OLFML2B: variants seen among roughly 807,000 people sequenced by gnomAD.
OLFML2B encodes the protein olfactomedin-like protein 2B.
A neutral mutation model predicts 74.9 loss-of-function variants in OLFML2B; 57 were observed. That is an observed-to-expected ratio of 0.76 (90% CI 0.61 to 0.95). The LOEUF (loss-of-function observed/expected upper bound fraction) is 0.95, where lower values mean the gene tolerates loss of function less well. OLFML2B is among the 40% of genes least tolerant of loss of function. The pLI, the probability that OLFML2B is intolerant of heterozygous loss-of-function variation, is 0.00. For synonymous variants in OLFML2B, 388 were observed against 405.8 expected (o/e 0.96, Z 0.53); for missense variants, 986 against 970.6 (o/e 1.02, Z -0.21).
At chr1:161,984,489 G>C (rs1338611316) in intron 7 of OLFML2B, among the ~76,000 whole-genome samples, 5 of 152,234 alleles carry the variant, frequency 3.3e-5, no homozygotes, top group Admixed American at 3.3e-4. Context: ...CCATCTGCCT[G>C]TTTCAAGGAT....
chr1:161,984,824 T>C lies in OLFML2B; in HGVS notation c.1631A>G (p.Asn544Ser), dbSNP rs775467717. The change falls in exon 7 of 8, where the codon AAC becomes AGC. Residue 544 changes from asparagine (N) to serine (S), a missense_variant. Transcript: ENST00000294794. The part of the protein sequence containing the change: ...YYGNTLVEFR[N>S]LENFKQGRWS... ...TGTACCTTGTTTGAAGTTCTCCAGG[T>C]TCCGGAACTCTACCAGGGTGTTGCC... is the stretch of plus-strand genomic sequence containing the variant. The C allele has an allele frequency of 1.2e-6, 2 of 1,613,742 alleles. No individual in the cohort carries two copies. The highest frequency in any genetic ancestry group is 1.7e-6 in the Non-Finnish European group (2 of 1,179,896).
chr1:162,021,455 T>G (rs1690702389), intron 1 of OLFML2B, among the ~76,000 whole-genome samples: 2 of 152,130 alleles, frequency 1.3e-5, no homozygotes, highest in Admixed American at 6.5e-5. Context: ...AGGCCCTACA[T>G]CCCCAAAGCC....
chr1:161,984,081 C>A lies in OLFML2B; in HGVS notation c.1847G>T (p.Gly616Val). 5 of 1,613,112 alleles carry A rather than the reference C, an allele frequency of 3.1e-6. No individual in the cohort carries two copies. Among genetic ancestry groups the A allele is most frequent in the Non-Finnish European group, 4.2e-6 (5 of 1,179,282 alleles). Residue 616 changes from glycine to valine, a missense_variant, in exon 8 of 8, where the codon GGC becomes GTC. Gly to Val is a moderately radical substitution (Grantham distance 109, BLOSUM62 -3). Coordinates refer to ENST00000294794, the MANE Select transcript of OLFML2B (RefSeq NM_015441.3). ...CACAGCAAAGTCCACGTCTGAGTGG[C>A]CCTGCCATCGCCAGGGGGTGGCCTC... Reference protein sequence around the residue: ...YEEATPWRWQGHSDVDFAVDE... With the variant: ...YEEATPWRWQVHSDVDFAVDE...
chr1:162,020,627 A>G (rs1690678009), intron 1 of OLFML2B, among the ~76,000 whole-genome samples: 1 of 151,944 alleles, frequency 6.6e-6, no homozygotes. Context: ...CCCAGGTTCA[A>G]GTGATTCTCC....
intron 6 of OLFML2B, among the ~76,000 whole-genome samples, chr1:161,991,393 G>C (rs565910432): frequency 6.6e-6 from 1 of 152,312 alleles, no homozygotes; most frequent in East Asian, 1.9e-4. Flanking sequence ...ATCTCCATGA[G>C]AGCTTTTGGG....
At chr1:161,998,443 G>T in intron 5 of OLFML2B, 94 bp from the exon 6 acceptor site, 5 of 1,409,882 alleles carry the variant, frequency 3.5e-6, no homozygotes, top group Non-Finnish European at 4.8e-6. Flanking sequence ...ATTAGAGGGT[G>T]CCTTTCCTTA....
intron 6 of OLFML2B, among the ~76,000 whole-genome samples, chr1:161,987,036 C>T (rs887516580): frequency 2.0e-5 from 3 of 152,260 alleles, no homozygotes; most frequent in East Asian, 3.9e-4. Context: ...CAAGGCTCTG[C>T]AGTGGCAGGG....
chr1:162,004,834 T>C (rs1056450671), intron 4 of OLFML2B, among the ~76,000 whole-genome samples: 2 of 152,134 alleles, frequency 1.3e-5, no homozygotes, highest in African/African-American at 4.8e-5. Flanking sequence ...TCAGAACGAC[T>C]CCCCGAAGCC....
intron 6 of OLFML2B, among the ~76,000 whole-genome samples, chr1:161,986,205 G>A (rs554922788): frequency 6.6e-6 from 1 of 152,328 alleles, no homozygotes; most frequent in South Asian, 2.1e-4. Context: ...GATGGGTGAT[G>A]AGAATAATTG....
intron 3 of OLFML2B, among the ~76,000 whole-genome samples, chr1:162,012,473 G>A (rs1376363931): frequency 1.3e-5 from 2 of 152,194 alleles, no homozygotes; most frequent in Non-Finnish European, 1.5e-5. Context: ...TCTGGGGAGC[G>A]GACCAGTTCT....
At chr1:162,007,677 A>G (rs1259637824) in intron 3 of OLFML2B, among the ~76,000 whole-genome samples, 2 of 151,974 alleles carry the variant, frequency 1.3e-5, no homozygotes, top group East Asian at 3.9e-4. Flanking sequence ...GTGGGATGCT[A>G]CTAACATCCT....
intron 6 of OLFML2B, among the ~76,000 whole-genome samples, chr1:161,996,914 T>C (rs1411070046): frequency 6.6e-6 from 1 of 152,166 alleles, no homozygotes; most frequent in African/African-American, 2.4e-5. Flanking sequence ...TCCCAACACT[T>C]TGGGAGGCCG....
intron 3 of OLFML2B, among the ~76,000 whole-genome samples, chr1:162,012,348 T>C (rs1232435052): frequency 6.6e-6 from 1 of 152,202 alleles, no homozygotes; most frequent in Non-Finnish European, 1.5e-5. Context: ...TGAAACGATA[T>C]ATCCCCCAGG....
chr1:161,988,350 T>A (rs189886469), intron 6 of OLFML2B, among the ~76,000 whole-genome samples: 1 of 152,064 alleles, frequency 6.6e-6, no homozygotes, highest in Admixed American at 6.5e-5. Flanking sequence ...CCTTCCTGGC[T>A]CTCCCCAGCT....
chr1:161,983,827 C>A lies in OLFML2B; in HGVS notation c.2101G>T (p.Asp701Tyr). ...ACGATCTGTGTGTTGGTGTGGGTGT[C>A]GAAAGCGTAGGAGATGTTGGCATTC... is the stretch of plus-strand genomic sequence containing the variant. ...QRNANISYAFDTHTNTQIVPR... is the reference protein window; with the variant it reads ...QRNANISYAFYTHTNTQIVPR... Residue 701 changes from aspartate (D) to tyrosine (Y), a missense_variant, in exon 8 of 8, where the codon GAC becomes TAC. Coordinates refer to ENST00000294794, the MANE Select transcript of OLFML2B (RefSeq NM_015441.3). 3 of 1,614,116 alleles carry A rather than the reference C, an allele frequency of 1.9e-6. No homozygotes were observed. The highest frequency in any genetic ancestry group is 2.5e-6 in the Non-Finnish European group (3 of 1,180,028).
chr1:162,000,427 G>C (rs528018593), intron 4 of OLFML2B, 89 bp from the exon 5 acceptor site: 3 of 979,638 alleles, frequency 3.1e-6, no homozygotes, highest in South Asian at 1.4e-5. Context: ...CCAAGGCTGT[G>C]CTAATAACAG....
chr1:162,003,812 C>T (rs540048228), intron 4 of OLFML2B, among the ~76,000 whole-genome samples: 29 of 152,060 alleles, frequency 1.9e-4, no homozygotes, highest in African/African-American at 5.3e-4. Context: ...ACAACTAAAC[C>T]CAGCGCCCCT....
At chr1:161,986,229 ACC>A (rs1205509991) in intron 6 of OLFML2B, among the ~76,000 whole-genome samples, 1 of 152,180 alleles carries the variant, frequency 6.6e-6, no homozygotes, top group East Asian at 1.9e-4. Flanking sequence ...CTTGACACTC[ACC>A]TGGGACAAAA....
intron 3 of OLFML2B, 25 bp from the exon 4 acceptor site, chr1:162,006,498 T>C (rs1435972260): frequency 3.3e-6 from 5 of 1,532,994 alleles, no homozygotes; most frequent in Non-Finnish European, 3.5e-6. Context: ...AAAAAGATGA[T>C]CCATTAAAGC....
Sources: allele counts gnomAD v4.1 joint callset (sites outside exome capture counted in the v4.1 genomes callset), GRCh38; gene constraint gnomAD v4.1.1; transcripts MANE v1.5; gene names NCBI Gene and HGNC (gene_info 2026-07-23, HGNC 2026-07-21).